DPYSL3: variants seen among roughly 807,000 people sequenced by gnomAD.
DPYSL3 encodes dihydropyrimidinase like 3.
A neutral mutation model predicts 66.1 loss-of-function variants in DPYSL3; 16 were observed. The ratio of observed to expected loss-of-function variants is 0.24; its 90% CI spans 0.16 to 0.37. The LOEUF (loss-of-function observed/expected upper bound fraction) is 0.37. Ranked by LOEUF, DPYSL3 falls within the 10% of genes least tolerant of loss-of-function variation. DPYSL3 has a pLI of 1.00. For missense variants in DPYSL3, 738 were observed against 916.2 expected (o/e 0.81, Z 2.51); for synonymous variants, 338 against 345.1 (o/e 0.98, Z 0.23).
intron 1 of DPYSL3, among the ~76,000 whole-genome samples, chr5:147,487,361 C>T (rs2126442981): frequency 6.6e-6 from 1 of 152,284 alleles, no homozygotes; most frequent in South Asian, 2.1e-4. Flanking sequence ...TTTCAGGCAT[C>T]CTGAAAGGGG....
At chr5:147,501,810 A>G (rs929501051) in intron 1 of DPYSL3, among the ~76,000 whole-genome samples, 1 of 152,076 alleles carries the variant, frequency 6.6e-6, no homozygotes, top group Non-Finnish European at 1.5e-5. Context: ...CATCAATTGT[A>G]AAAAATCGAC....
intron 1 of DPYSL3, among the ~76,000 whole-genome samples, chr5:147,435,520 C>T (rs1238562599): frequency 1.3e-5 from 2 of 152,134 alleles, no homozygotes; most frequent in Admixed American, 6.5e-5. Context: ...TAGGCACCCT[C>T]CTTCTTCCAA....
chr5:147,504,657 C>G (rs566271270), intron 1 of DPYSL3, among the ~76,000 whole-genome samples: 2 of 152,302 alleles, frequency 1.3e-5, no homozygotes, highest in African/African-American at 4.8e-5. Context: ...AAAAACAAGA[C>G]AAATGACAAA....
intron 11 of DPYSL3, among the ~76,000 whole-genome samples, chr5:147,398,414 G>T (rs1468123629): frequency 1.3e-5 from 2 of 152,106 alleles, no homozygotes; most frequent in African/African-American, 2.4e-5. Context: ...TAATTTTTCT[G>T]TACCTCCAAT....
intron 11 of DPYSL3, 26 bp downstream of exon 11, chr5:147,399,056 T>A (rs1758083825): frequency 6.2e-7 from 1 of 1,610,846 alleles, no homozygotes; most frequent in Non-Finnish European, 8.5e-7. Context: ...TCCATTCTAC[T>A]CCACTCCCAC....
intron 1 of DPYSL3, among the ~76,000 whole-genome samples, chr5:147,451,823 CT>C (rs1181602428): frequency 6.6e-6 from 1 of 152,130 alleles, no homozygotes; most frequent in Non-Finnish European, 1.5e-5. Context: ...TTTTCTCTTT[CT>C]TTTTTTCTTT....
At chr5:147,407,522 C>T (rs1021894905) in intron 7 of DPYSL3, among the ~76,000 whole-genome samples, 2 of 152,186 alleles carry the variant, frequency 1.3e-5, no homozygotes, top group Non-Finnish European at 2.9e-5. Flanking sequence ...GCTGATTACC[C>T]TGGTCTCTTC....
At chr5:147,498,794 G>T (rs1581219739) in intron 1 of DPYSL3, among the ~76,000 whole-genome samples, 2 of 152,028 alleles carry the variant, frequency 1.3e-5, no homozygotes, top group East Asian at 3.9e-4. Flanking sequence ...TAATGGGGTT[G>T]TTTGTTTTTT....
chr5:147,438,196 G>A lies in DPYSL3; in HGVS notation c.382-13233C>T, dbSNP rs142098168. On this transcript the variant is annotated intron_variant, in intron 1 of 13. Coordinates refer to ENST00000343218, the MANE Select transcript of DPYSL3 (RefSeq NM_001197294.2). Reference sequence around the variant, plus strand: ...TGTCTGTCTAAAAACCTATACACCCGCAACTCTGCTTTCATTGGATAGAGA... The same window carrying A: ...TGTCTGTCTAAAAACCTATACACCCACAACTCTGCTTTCATTGGATAGAGA... Among the ~76,000 whole-genome samples, 103 of 152,214 alleles carry A rather than the reference G, an allele frequency of 6.8e-4. 1 individual carries two copies. Among genetic ancestry groups the A allele is most frequent in the Admixed American group, 1.6e-3 (24 of 15,296 alleles).
rs371643458 is a variant in DPYSL3, at chr5:147,459,886, G to A, written c.382-34923C>T. ...AGCACTTTGGGAGGCAGAGGTGGGC[G>A]GGTCATGAGGTCAGCAGATCAAGAC... On this transcript the variant is annotated intron_variant, in intron 1 of 13. Coordinates refer to ENST00000343218, the MANE Select transcript of DPYSL3 (RefSeq NM_001197294.2). Among the ~76,000 whole-genome samples, 129 of 152,262 alleles carry A rather than the reference G, an allele frequency of 8.5e-4. No homozygotes were observed. The Middle Eastern group carries it at 0.01, about 12-fold the overall frequency.
intron 1 of DPYSL3, among the ~76,000 whole-genome samples, chr5:147,508,507 C>A (rs970159610): frequency 1.3e-5 from 2 of 152,104 alleles, no homozygotes; most frequent in Admixed American, 6.5e-5. Context: ...ATTATTATTC[C>A]CCAACTGAAA....
At chr5:147,507,802 C>T (rs189345291) in intron 1 of DPYSL3, among the ~76,000 whole-genome samples, 1 of 152,180 alleles carries the variant, frequency 6.6e-6, no homozygotes, top group Admixed American at 6.5e-5. Flanking sequence ...GGGAGAATTG[C>T]TAGGTTTAAA....
In DPYSL3 at chr5:147,489,471, G is replaced by A. The variant is rs184909950; in HGVS notation, c.381+20007C>T. 7.2e-4 allele frequency among the ~76,000 whole-genome samples: 109 copies of A among 152,212 alleles called. 1 individual carries two copies. The highest frequency in any genetic ancestry group is 1.2e-3 in the Non-Finnish European group (85 of 68,010). On this transcript the variant is annotated intron_variant, in intron 1 of 13. Transcript: ENST00000343218. ...AAATTGAGTAATCTTTCCATGACTC[G>A]GTTTCTTTTCTGGATTATGTGGATA...
intron 1 of DPYSL3, among the ~76,000 whole-genome samples, chr5:147,444,710 C>T (rs1752599344): frequency 6.6e-6 from 1 of 152,120 alleles, no homozygotes; most frequent in Non-Finnish European, 1.5e-5. Flanking sequence ...CTGGCCCCAC[C>T]CCTCAAACCA....
chr5:147,463,296 T>C (rs371599215), intron 1 of DPYSL3, among the ~76,000 whole-genome samples: 10 of 151,842 alleles, frequency 6.6e-5, no homozygotes, highest in African/African-American at 2.4e-4. Context: ...CATTCAGGAG[T>C]GGTGCTGAAA....
chr5:147,474,633 A>G (rs1753132084), intron 1 of DPYSL3, among the ~76,000 whole-genome samples: 1 of 152,056 alleles, frequency 6.6e-6, no homozygotes, highest in Non-Finnish European at 1.5e-5. Flanking sequence ...TTGTATGGAG[A>G]TTACATAGGG....
intron 1 of DPYSL3, among the ~76,000 whole-genome samples, chr5:147,478,237 C>T (rs1216585165): frequency 6.6e-6 from 1 of 152,182 alleles, no homozygotes. Flanking sequence ...CCGTCTCCAG[C>T]TTATACACAT....
rs554315849 is a variant in DPYSL3 at position 147,473,751 on chromosome 5, G to A, written c.381+35727C>T. On this transcript the variant is annotated intron_variant, in intron 1 of 13. Coordinates refer to ENST00000343218, the MANE Select transcript of DPYSL3 (RefSeq NM_001197294.2). The stretch of plus-strand genomic sequence containing the variant: ...TGGGTTTGCCCTTTGCAGTTAAATG[G>A]TGATTCAACTTCTAAGCAGTTGGAA... 5.3e-5 allele frequency among the ~76,000 whole-genome samples: 8 copies of A among 152,218 alleles called. No individual in the cohort carries two copies. In the South Asian group the frequency reaches 1.7e-3, roughly 32 times the overall value.
At chr5:147,409,214 T>C (rs1751791204) in intron 6 of DPYSL3, among the ~76,000 whole-genome samples, 1 of 152,214 alleles carries the variant, frequency 6.6e-6, no homozygotes, top group Non-Finnish European at 1.5e-5. Flanking sequence ...GGTAAGTACC[T>C]GCATTAAAGC....
Sources: allele counts gnomAD v4.1 joint callset (sites outside exome capture counted in the v4.1 genomes callset), GRCh38; gene constraint gnomAD v4.1.1; transcripts MANE v1.5; gene names NCBI Gene and HGNC (gene_info 2026-07-23, HGNC 2026-07-21).